FAM53C: variants seen among roughly 807,000 people sequenced by gnomAD.
FAM53C encodes the protein family with sequence similarity 53 member C.
FAM53C carries 10 observed loss-of-function variants against 34.7 expected under a neutral mutation model. The observed-to-expected ratio is 0.29, with a 90% confidence interval of 0.18 to 0.49. FAM53C has a LOEUF of 0.49. FAM53C is among the 20% of genes least tolerant of loss of function. The pLI is 0.99. For missense variants in FAM53C, 442 were observed against 515.3 expected (o/e 0.86, Z 1.38); for synonymous variants, 203 against 203.6 (o/e 1.00, Z 0.03).
At chr5:138,340,227 G>T (rs535881397) in intron 1 of FAM53C, among the ~76,000 whole-genome samples, 79 of 152,332 alleles carry the variant, frequency 5.2e-4, no homozygotes, top group Non-Finnish European at 1.0e-3. Context: ...AGGCCAAGGA[G>T]TATTAAATGA....
intron 3 of FAM53C, chr5:138,343,071 G>T (rs566129398): frequency 6.6e-6 from 1 of 151,720 alleles, no homozygotes; most frequent in Admixed American, 6.5e-5. Flanking sequence ...ATAGCTAGGA[G>T]ATCTTTCCCT....
In FAM53C at chr5:138,346,823, G is replaced by C. The variant is rs751679004; in HGVS notation, c.1043G>C (p.Gly348Ala). 6.2e-7 allele frequency: 1 copy of C among 1,614,024 alleles called. No individual in the cohort carries two copies. The highest frequency in any genetic ancestry group is 1.3e-5 in the African/African-American group (1 of 74,932). The change falls in exon 5 of 5, where the codon GGT (glycine) becomes GCT (alanine). Residue 348 changes from glycine (G) to alanine (A), a missense_variant. Coordinates refer to ENST00000239906, the MANE Select transcript of FAM53C (RefSeq NM_016605.3). Reference sequence around the variant, plus strand: ...TCTGCTTCCTGCAGCCCCACTGGGGGTTCCTCCCAGGTGCTGAGTGAAAGC... The same window carrying C: ...TCTGCTTCCTGCAGCCCCACTGGGGCTTCCTCCCAGGTGCTGAGTGAAAGC... ...PLSASCSPTG[G>A]SSQVLSESEE...
chr5:138,343,728 C>A (rs910292301), intron 3 of FAM53C: 1 of 152,176 alleles, frequency 6.6e-6, no homozygotes, highest in African/African-American at 2.4e-5. Flanking sequence ...ATCTCATTTT[C>A]TTTTCTGGGA....
At chr5:138,341,161 G>A (rs1761021676) in intron 1 of FAM53C, 23 bp from the exon 2 acceptor site, 1 of 729,056 alleles carries the variant, frequency 1.4e-6, no homozygotes, top group Admixed American at 1.9e-5. Flanking sequence ...ATATCACTTG[G>A]GGCTGGTCCC....
Position 138,347,341 on chromosome 5 carries a change from G to A in FAM53C, c.*382G>A. 5 of 289,324 alleles carry A rather than the reference G, an allele frequency of 1.7e-5. No individual in the cohort carries two copies. In the South Asian group the frequency reaches 1.7e-4, roughly 10 times the overall value. The allele number at this position is 289,324 out of a possible 1,614,324, so 17.9% of individuals were successfully genotyped here. A position where few individuals can be genotyped will look rare whatever the true frequency, so the allele number is the denominator to read the frequency against. ...TAGAATTTGGCCAGGGTGGGGGGTT[G>A]AGTCAGCCTCCTCAGAGAAACTGCG... On this transcript the variant is annotated 3_prime_UTR_variant, in exon 5 of 5. Coordinates refer to ENST00000239906, the MANE Select transcript of FAM53C (RefSeq NM_016605.3).
Position 138,347,394 on chromosome 5 carries a change from A to G in FAM53C, c.*435A>G. On this transcript the variant is annotated 3_prime_UTR_variant, in exon 5 of 5. Coordinates refer to ENST00000239906, the MANE Select transcript of FAM53C (RefSeq NM_016605.3). ...AGAGTGTGTGCGTGCATGGGAGTGT[A>G]CTTGTGGAAAGGTGTGTTTGCGTAG... is the stretch of plus-strand genomic sequence containing the variant. 1 of 197,068 alleles carries G rather than the reference A, an allele frequency of 5.1e-6. No individual in the cohort carries two copies. Among genetic ancestry groups the G allele is most frequent in the South Asian group, 7.9e-5 (1 of 12,676 alleles). The allele number at this position is 197,068 out of a possible 1,614,324, so 12.2% of individuals were successfully genotyped here. A position where few individuals can be genotyped will look rare whatever the true frequency, so the allele number is the denominator to read the frequency against.
chr5:138,340,461 A>T (rs2126885156), intron 1 of FAM53C, among the ~76,000 whole-genome samples: 1 of 152,292 alleles, frequency 6.6e-6, no homozygotes, highest in South Asian at 2.1e-4. Context: ...TGATACAGTT[A>T]GTTTGCTTCT....
upstream of FAM53C, chr5:138,337,904 C>A (rs1760826462): frequency 8.1e-7 from 1 of 1,237,644 alleles, no homozygotes; most frequent in African/African-American, 1.6e-5. Flanking sequence ...GAGTGGGAGG[C>A]TGCAGTTGGG....
chr5:138,339,618 C>T (rs1407817001), intron 1 of FAM53C, among the ~76,000 whole-genome samples: 1 of 152,094 alleles, frequency 6.6e-6, no homozygotes, highest in Non-Finnish European at 1.5e-5. Context: ...ACTTAGGTTC[C>T]CTCTCTGGTT....
chr5:138,346,628 A>G lies in FAM53C; in HGVS notation c.922-74A>G, dbSNP rs1346349774. The G allele has an allele frequency of 1.9e-6, 3 of 1,589,484 alleles. No homozygotes were observed. The Admixed American group carries it at 5.5e-5, about 29-fold the overall frequency. On this transcript the variant is annotated intron_variant, in intron 4 of 4. Transcript: ENST00000239906. ...GACAGAGTGAGACTCCGTCTCAAAA[A>G]AAAAAAGTTTACAAACCTCACCCTA...
chr5:138,341,771 C>T, intron 2 of FAM53C, 38 bp from the exon 3 acceptor site: 1 of 1,599,516 alleles, frequency 6.3e-7, no homozygotes, highest in Non-Finnish European at 8.6e-7. Context: ...TCAGTGTGTC[C>T]TGAATCCAAA....
intron 3 of FAM53C, among the ~76,000 whole-genome samples, chr5:138,343,501 A>G (rs558984446): frequency 4.0e-5 from 6 of 151,126 alleles, no homozygotes; most frequent in Admixed American, 1.3e-4. Flanking sequence ...ACAGAGCGAG[A>G]TTCCATCTCA....
rs552038703 is a variant in FAM53C, at chr5:138,346,805, C to T, written c.1025C>T (p.Ser342Phe). The stretch of plus-strand genomic sequence containing the variant: ...TGTAGCCCCCCACCCCTCTCTGCTT[C>T]CTGCAGCCCCACTGGGGGTTCCTCC... ...MACSPPPLSA[S>F]CSPTGGSSQV... The change falls in exon 5 of 5, where the codon TCC (serine) becomes TTC (phenylalanine). Residue 342 changes from serine (S) to phenylalanine (F), a missense_variant. Ser to Phe is a radical substitution (Grantham distance 155). Transcript: ENST00000239906. 1.1e-5 allele frequency: 18 copies of T among 1,614,174 alleles called. No individual in the cohort carries two copies. Among genetic ancestry groups the T allele is most frequent in the African/African-American group, 2.7e-5 (2 of 75,060 alleles).
chr5:138,345,715 A>C lies in FAM53C; in HGVS notation c.921+106A>C. The C allele has an allele frequency of 7.7e-7, 1 of 1,304,274 alleles. No individual in the cohort carries two copies. The highest frequency in any genetic ancestry group is 1.1e-6 in the Non-Finnish European group (1 of 947,688). The allele number at this position is 1,304,274 out of a possible 1,614,324, so 80.8% of individuals were successfully genotyped here. A position where few individuals can be genotyped will look rare whatever the true frequency, so the allele number is the denominator to read the frequency against. On this transcript the variant is annotated intron_variant, in intron 4 of 4. Transcript: ENST00000239906. The surrounding 1 kb of genome is among the most constrained non-coding windows in gnomAD (Gnocchi z 6.3). Reference sequence around the variant, plus strand: ...CATTACCCTGCCGCCCCCACCACCAACAGCACCTCCTTTAGCTCTTAGCTA... The same window carrying C: ...CATTACCCTGCCGCCCCCACCACCACCAGCACCTCCTTTAGCTCTTAGCTA...
intron 1 of FAM53C, among the ~76,000 whole-genome samples, chr5:138,340,756 GTTC>G (rs1336691182): frequency 6.6e-6 from 1 of 152,204 alleles, no homozygotes; most frequent in Non-Finnish European, 1.5e-5. Flanking sequence ...TACAACCACT[GTTC>G]TTCCTTGTTC....
intron 3 of FAM53C, chr5:138,342,233 T>G (rs1478501114): frequency 4.8e-6 from 1 of 209,766 alleles, no homozygotes; most frequent in Admixed American, 5.6e-5. Flanking sequence ...TTATACAGTA[T>G]ATGTGACTAG....
chr5:138,338,726 C>A (rs1760913253), intron 1 of FAM53C, among the ~76,000 whole-genome samples: 1 of 152,012 alleles, frequency 6.6e-6, no homozygotes, highest in South Asian at 2.1e-4. Context: ...GAGGGGTGTT[C>A]CCCACTTGTC....
At position 138,347,349 on chromosome 5, in the gene FAM53C, C is replaced by T; in HGVS notation, c.*390C>T. ...GGCCAGGGTGGGGGGTTGAGTCAGC[C>T]TCCTCAGAGAAACTGCGTGAGAGTG... On this transcript the variant is annotated 3_prime_UTR_variant, in exon 5 of 5. Coordinates refer to ENST00000239906, the MANE Select transcript of FAM53C (RefSeq NM_016605.3). 3.5e-6 allele frequency: 1 copy of T among 282,258 alleles called. No individual in the cohort carries two copies. Among genetic ancestry groups the T allele is most frequent in the Non-Finnish European group, 6.8e-6 (1 of 146,250 alleles). 17.5% of individuals were successfully genotyped at this position (282,258 alleles called of 1,614,324 possible). A position where few individuals can be genotyped will look rare whatever the true frequency, so the allele number is the denominator to read the frequency against.
At position 138,346,741 on chromosome 5, in the gene FAM53C, CG is replaced by C; in HGVS notation, c.964del (p.Glu322LysfsTer32). 6.2e-7 allele frequency: 1 copy of C among 1,614,156 alleles called. No individual in the cohort carries two copies. Among genetic ancestry groups the C allele is most frequent in the Non-Finnish European group, 8.5e-7 (1 of 1,180,038 alleles). On this transcript the variant is annotated frameshift_variant, in exon 5 of 5. Transcript: ENST00000239906. LOFTEE classifies it high-confidence loss of function. ...AGGTCTTTGTCTCCAAGAAACAGCC[CG>C]GGAAGGCAGCAGCATCTCTCCACCA... is the stretch of plus-strand genomic sequence containing the variant. ...SGGLCLQETA[R>X]EGSSISPPWF...
Sources: gnomAD v4.1 joint callset for allele counts (sites outside exome capture counted in the v4.1 genomes callset) on GRCh38, gnomAD v4.1.1 for gene constraint, Gnocchi (gnomAD v3.1) non-coding constraint, MANE v1.5 for transcripts, NCBI Gene and HGNC (gene_info 2026-07-23, HGNC 2026-07-21) for gene names.